FYB1: variants seen among roughly 807,000 people sequenced by gnomAD.
The protein encoded by FYB1 is FYN binding protein 1.
A neutral mutation model predicts 94.1 loss-of-function variants in FYB1; 41 were observed. That is an observed-to-expected ratio of 0.44 (90% CI 0.34 to 0.57). FYB1 has a LOEUF of 0.57. Among genes scored for constraint, FYB1 ranks in the 20% least tolerant of loss-of-function variants. The pLI, the probability that FYB1 is intolerant of heterozygous loss-of-function variation, is 0.02. For missense variants in FYB1, 1,050 were observed against 976.8 expected (o/e 1.07, Z -1.00); for synonymous variants, 367 against 353.2 (o/e 1.04, Z -0.44).
intron 1 of FYB1, among the ~76,000 whole-genome samples, chr5:39,227,102 T>C (rs1750506583): frequency 6.6e-6 from 1 of 152,202 alleles, no homozygotes. Flanking sequence ...CACACATACA[T>C]TCACATAAAT....
intron 2 of FYB1, among the ~76,000 whole-genome samples, chr5:39,167,027 T>C (rs1744801553): frequency 6.6e-6 from 1 of 152,114 alleles, no homozygotes; most frequent in African/African-American, 2.4e-5. Context: ...AATCAGGTTT[T>C]AGAGGAGAGA....
intron 3 of FYB1, among the ~76,000 whole-genome samples, chr5:39,150,831 C>T (rs546854551): frequency 6.6e-6 from 1 of 152,316 alleles, no homozygotes; most frequent in African/African-American, 2.4e-5. Context: ...TAACAGATTT[C>T]CCTGCTTTGA....
At chr5:39,247,096 A>ATATATATATATATATATATT (rs1561306025) in intron 1 of FYB1, among the ~76,000 whole-genome samples, 13 of 140,784 alleles carry the variant, frequency 9.2e-5, no homozygotes, top group African/African-American at 3.4e-4. Flanking sequence ...ATATATATAT[A>ATATATATATATATATATATT]TATATATATA....
intron 1 of FYB1, among the ~76,000 whole-genome samples, chr5:39,262,126 T>C (rs1242674725): frequency 6.6e-6 from 1 of 152,094 alleles, no homozygotes; most frequent in African/African-American, 2.4e-5. Flanking sequence ...AAAGCAGAAA[T>C]GATAAAGACT....
In FYB1 at chr5:39,153,577, G is replaced by A. The variant is rs1217151603; in HGVS notation, c.1163C>T (p.Ser388Leu). Reference protein sequence around the residue: ...NSTSKGQTSYSTTSLPPPPPS... With the variant: ...NSTSKGQTSYLTTSLPPPPPS... ...TGGAGGTGGTGGCAGGGAAGTTGTT[G>A]AGTAAGACGTCTGGCCTTTGCTAGT... Residue 388 changes from serine (S) to leucine (L), a missense_variant, in exon 3 of 19, where the codon TCA (serine) becomes TTA (leucine). Transcript: ENST00000512982. The A allele has an allele frequency of 6.2e-7, 1 of 1,613,668 alleles. No individual in the cohort carries two copies. Among genetic ancestry groups the A allele is most frequent in the African/African-American group, 1.3e-5 (1 of 74,882 alleles).
intron 2 of FYB1, among the ~76,000 whole-genome samples, chr5:39,196,686 G>C (rs1257529241): frequency 1.3e-5 from 2 of 152,220 alleles, no homozygotes; most frequent in African/African-American, 2.4e-5. Context: ...AGAGGAATGA[G>C]GATTTTGGGA....
chr5:39,122,526 C>T (rs1471760347), intron 13 of FYB1, 124 bp from the exon 14 acceptor site: 4 of 547,424 alleles, frequency 7.3e-6, no homozygotes, highest in South Asian at 2.7e-5. Context: ...CCTAGTGTCT[C>T]GGTAAATTTC....
In FYB1 at chr5:39,107,451, T is replaced by A. The variant is rs759776144; in HGVS notation, c.2482A>T (p.Asn828Tyr). The change falls in exon 19 of 19, where the codon AAT becomes TAT. Residue 828 changes from asparagine (N) to tyrosine (Y), a missense_variant. Coordinates refer to ENST00000512982, the MANE Select transcript of FYB1 (RefSeq NM_001465.6). ...DDIADGCIYDND is the reference protein window; with the variant it reads ...DDIADGCIYDYD ...ATGACCAAAGTTGAGTGCTAGTCAT[T>A]GTCATAGATGCAGCCTGAAAGGAAA... 1.3e-6 allele frequency: 2 copies of A among 1,527,052 alleles called. No homozygotes were observed. The highest frequency in any genetic ancestry group is 4.9e-5 in the East Asian group (2 of 40,436). 94.6% of individuals were successfully genotyped at this position (1,527,052 alleles called of 1,614,324 possible). A position where few individuals can be genotyped will look rare whatever the true frequency, so the allele number is the denominator to read the frequency against.
At chr5:39,201,059 T>C (rs1342881649) in intron 2 of FYB1, among the ~76,000 whole-genome samples, 1 of 152,192 alleles carries the variant, frequency 6.6e-6, no homozygotes, top group Non-Finnish European at 1.5e-5. Flanking sequence ...TTCCTAACTA[T>C]ATATTACTTT....
At chr5:39,247,983 AAGCAAGCACATTGG>A (rs1751561349) in intron 1 of FYB1, among the ~76,000 whole-genome samples, 1 of 152,000 alleles carries the variant, frequency 6.6e-6, no homozygotes, top group South Asian at 2.1e-4. Flanking sequence ...GAAAGAGTCA[AAGCAAGCACATTGG>A]TTACTCAAGT....
In FYB1 at chr5:39,119,515, A is replaced by G; in HGVS notation, c.2238+20T>C. 3.4e-6 allele frequency: 5 copies of G among 1,483,014 alleles called. No homozygotes were observed. Among genetic ancestry groups the G allele is most frequent in the Non-Finnish European group, 4.5e-6 (5 of 1,105,684 alleles). 91.9% of individuals were successfully genotyped at this position (1,483,014 alleles called of 1,614,324 possible). A position where few individuals can be genotyped will look rare whatever the true frequency, so the allele number is the denominator to read the frequency against. On this transcript the variant is annotated intron_variant, in intron 15 of 18. Coordinates refer to ENST00000512982, the MANE Select transcript of FYB1 (RefSeq NM_001465.6). ...TTCAATAGTGCTTTGTACTTTGTATAATATTTAGATATGACATACTTTAAA... is the reference window on the plus strand; with the variant it reads ...TTCAATAGTGCTTTGTACTTTGTATGATATTTAGATATGACATACTTTAAA...
chr5:39,159,249 T>C (rs1744029753), intron 2 of FYB1, among the ~76,000 whole-genome samples: 2 of 152,248 alleles, frequency 1.3e-5, no homozygotes. Flanking sequence ...AGCCGTGGGC[T>C]GGCAACTCGG....
chr5:39,199,713 A>G (rs533361083), intron 2 of FYB1, among the ~76,000 whole-genome samples: 53 of 152,344 alleles, frequency 3.5e-4, no homozygotes, highest in African/African-American at 1.3e-3. Flanking sequence ...AGATGGACAT[A>G]TAAGAAATTA....
chr5:39,185,701 G>T (rs922147772), intron 2 of FYB1, among the ~76,000 whole-genome samples: 24 of 151,066 alleles, frequency 1.6e-4, no homozygotes, highest in Non-Finnish European at 3.5e-4. Context: ...CAGTGTGTTA[G>T]AAACCATGAG....
intron 1 of FYB1, among the ~76,000 whole-genome samples, chr5:39,266,010 T>C (rs563323124): frequency 1.3e-4 from 19 of 151,590 alleles, no homozygotes; most frequent in Non-Finnish European, 2.5e-4. Context: ...CTAAGGTTTA[T>C]GCATAAAATA....
intron 12 of FYB1, among the ~76,000 whole-genome samples, chr5:39,125,098 C>G (rs1470557436): frequency 6.6e-6 from 1 of 151,964 alleles, no homozygotes; most frequent in Non-Finnish European, 1.5e-5. Context: ...AAAACCCTCT[C>G]ATTTTTAAGT....
chr5:39,157,487 A>G (rs1743860279), intron 2 of FYB1, among the ~76,000 whole-genome samples: 1 of 152,232 alleles, frequency 6.6e-6, no homozygotes, highest in Non-Finnish European at 1.5e-5. Context: ...TCAAGCTAGT[A>G]GGAAATAGGC....
At chr5:39,256,898 T>C (rs976054007) in intron 1 of FYB1, among the ~76,000 whole-genome samples, 2 of 152,232 alleles carry the variant, frequency 1.3e-5, no homozygotes, top group Non-Finnish European at 2.9e-5. Context: ...AAAGTTGCAA[T>C]GAGTAAAAGT....
intron 1 of FYB1, among the ~76,000 whole-genome samples, chr5:39,272,474 C>G (rs1752692418): frequency 6.7e-6 from 1 of 150,146 alleles, no homozygotes; most frequent in African/African-American, 2.4e-5. Flanking sequence ...ACCATCCTGG[C>G]TAACACGGTG....
Sources: allele counts gnomAD v4.1 joint callset (sites outside exome capture counted in the v4.1 genomes callset), GRCh38; gene constraint gnomAD v4.1.1; transcripts MANE v1.5; gene names NCBI Gene and HGNC (gene_info 2026-07-23, HGNC 2026-07-21).